MSH4: variants seen among roughly 807,000 people sequenced by gnomAD.
MSH4 encodes mutS homolog 4.
A neutral mutation model predicts 113.7 loss-of-function variants in MSH4; 106 were observed. That is an observed-to-expected ratio of 0.93 (90% CI 0.80 to 1.10). MSH4 has a LOEUF of 1.10. Among genes scored for constraint, MSH4 ranks in the 50% least tolerant of loss-of-function variants. The pLI is 0.00. For missense variants in MSH4, 1,061 were observed against 1,093.7 expected (o/e 0.97, Z 0.42); for synonymous variants, 368 against 380.2 (o/e 0.97, Z 0.37).
intron 9 of MSH4, among the ~76,000 whole-genome samples, chr1:75,867,912 A>G (rs967645654): frequency 7.9e-5 from 12 of 152,260 alleles, no homozygotes; most frequent in Non-Finnish European, 1.6e-4. Flanking sequence ...ATACTATTTT[A>G]TAATATGTAT....
At chr1:75,858,506 G>T (rs1421931683) in intron 8 of MSH4, among the ~76,000 whole-genome samples, 1 of 152,150 alleles carries the variant, frequency 6.6e-6, no homozygotes, top group African/African-American at 2.4e-5. Context: ...GGCCTTTTCT[G>T]CATCTATTCA....
rs116549128 is a variant in MSH4 at position 75,878,258 on chromosome 1, A to G, written c.1480A>G (p.Ile494Val). 445 of 1,608,660 alleles carry G rather than the reference A, an allele frequency of 2.8e-4. 1 individual carries two copies. In the African/African-American group the frequency reaches 5.1e-3, roughly 18 times the overall value. ...TQKCYAVRSN[I>V]NEFLDIARRT... ...GAAGTGCTATGCAGTGAGGTCTAAC[A>G]TAAATGAATTTCTTGACATAGCAAG... Residue 494 changes from isoleucine to valine, a missense_variant, in exon 11 of 20, where the codon ATA becomes GTA. Transcript: ENST00000263187.
intron 9 of MSH4, among the ~76,000 whole-genome samples, chr1:75,869,627 C>A (rs1651667870): frequency 6.6e-6 from 1 of 152,184 alleles, no homozygotes; most frequent in African/African-American, 2.4e-5. Context: ...CAACACACAG[C>A]TCGGGCCATG....
At position 75,810,412 on chromosome 1, in the gene MSH4, A is replaced by ATTTTTTT. The variant is rs760146124; in HGVS notation, c.589-269_589-263dup. 5.7e-5 allele frequency among the ~76,000 whole-genome samples: 6 copies of ATTTTTTT among 104,488 alleles called. 1 individual carries two copies. The highest frequency in any genetic ancestry group is 9.2e-5 in the Non-Finnish European group (5 of 54,634). 68.5% of individuals were successfully genotyped at this position (104,488 alleles called of 152,430 possible). On this transcript the variant is annotated intron_variant, in intron 3 of 19. Coordinates refer to ENST00000263187, the MANE Select transcript of MSH4 (RefSeq NM_002440.4). ...ACCACCATGCTCGGGTAATTTTTGT[A>ATTTTTTT]TTTTTTTTTTTTTTTTTTTTTTAGT...
In MSH4 at chr1:75,877,000, G is replaced by T. The variant is rs1260430463; in HGVS notation, c.1370G>T (p.Arg457Met). 1 of 1,538,494 alleles carries T rather than the reference G, an allele frequency of 6.5e-7. No individual in the cohort carries two copies. The highest frequency in any genetic ancestry group is 8.8e-7 in the Non-Finnish European group (1 of 1,141,120). ...RAYYGSLEDKRFGIILEKIKT... is the reference protein window; with the variant it reads ...RAYYGSLEDKMFGIILEKIKT... ...TACTATGGTTCCTTGGAAGACAAGA[G>T]GTCTTTGTCACTCAACCGTTAATAA... Residue 457 changes from arginine to methionine, a missense_variant and splice_region_variant, in exon 10 of 20, where the codon AGG becomes ATG. Arg to Met is a moderately conservative substitution (Grantham distance 91). Coordinates refer to ENST00000263187, the MANE Select transcript of MSH4 (RefSeq NM_002440.4).
At chr1:75,810,633 G>A (rs57184953) in intron 3 of MSH4, 64 bp from the exon 4 acceptor site, 1 of 716,060 alleles carries the variant, frequency 1.4e-6, no homozygotes, top group Non-Finnish European at 2.2e-6. Flanking sequence ...ACTTATCTCA[G>A]AAAAATATGA....
At chr1:75,839,406 C>T (rs879735493) in intron 7 of MSH4, among the ~76,000 whole-genome samples, 4 of 151,744 alleles carry the variant, frequency 2.6e-5, no homozygotes, top group Non-Finnish European at 5.9e-5. Flanking sequence ...ATAGAGATGG[C>T]GTTTCACCAT....
chr1:75,843,943 C>T (rs778703630), intron 7 of MSH4, among the ~76,000 whole-genome samples: 26 of 152,130 alleles, frequency 1.7e-4, no homozygotes, highest in African/African-American at 5.1e-4. Flanking sequence ...TCCCGAGTAG[C>T]GGGGATTACA....
intron 8 of MSH4, among the ~76,000 whole-genome samples, chr1:75,851,149 T>G (rs565000360): frequency 6.6e-6 from 1 of 152,286 alleles, no homozygotes; most frequent in South Asian, 2.1e-4. Context: ...AATACCTTAC[T>G]TTTAATTGAG....
At chr1:75,879,992 C>T in intron 12 of MSH4, 58 bp from the exon 13 acceptor site, 3 of 824,506 alleles carry the variant, frequency 3.6e-6, no homozygotes, top group South Asian at 3.2e-5. Flanking sequence ...TGTTTAAAAT[C>T]TTACATTTCA....
chr1:75,840,391 T>C (rs1309503056), intron 7 of MSH4, among the ~76,000 whole-genome samples: 1 of 146,900 alleles, frequency 6.8e-6, no homozygotes, highest in African/African-American at 2.5e-5. Flanking sequence ...AAATTGGAAA[T>C]CATCATTCTC....
In MSH4 at chr1:75,899,718, T is replaced by A; in HGVS notation, c.2619+12T>A. 1.4e-6 allele frequency: 2 copies of A among 1,403,988 alleles called. No homozygotes were observed. The highest frequency in any genetic ancestry group is 1.9e-6 in the Non-Finnish European group (2 of 1,056,284). The allele number at this position is 1,403,988 out of a possible 1,614,324, so 87.0% of individuals were successfully genotyped here. On this transcript the variant is annotated intron_variant, in intron 19 of 19. Coordinates refer to ENST00000263187, the MANE Select transcript of MSH4 (RefSeq NM_002440.4). ...CGAGACAAATTTTGGTAAGAAACTT[T>A]GTTCTTATTTGTTCTTCAAATTAAA...
chr1:75,814,612 A>G (rs1650257966), intron 4 of MSH4, among the ~76,000 whole-genome samples: 1 of 152,216 alleles, frequency 6.6e-6, no homozygotes. Context: ...TAGACTATGG[A>G]AAGATGAATA....
Position 75,894,312 on chromosome 1 carries a change from T to A in MSH4, c.2355+3488T>A, listed in dbSNP as rs183349505. Among the ~76,000 whole-genome samples, 282 of 152,288 alleles carry A rather than the reference T, an allele frequency of 1.9e-3. 1 individual carries two copies. Among genetic ancestry groups the A allele is most frequent in the African/African-American group, 6.5e-3 (272 of 41,560 alleles). ...AAGCAGCAATCAGAATAATCTGACT[T>A]ACATAGACCTATGGCTTTGGATAGG... On this transcript the variant is annotated intron_variant, in intron 17 of 19. Transcript: ENST00000263187.
chr1:75,828,010 C>A (rs1650595118), intron 7 of MSH4, among the ~76,000 whole-genome samples: 1 of 152,106 alleles, frequency 6.6e-6, no homozygotes, highest in Admixed American at 6.6e-5. Context: ...TCAACAGATG[C>A]TTCTCAAAAG....
intron 19 of MSH4, among the ~76,000 whole-genome samples, chr1:75,910,209 C>T (rs1035010720): frequency 2.6e-5 from 4 of 152,096 alleles, no homozygotes; most frequent in African/African-American, 9.7e-5. Flanking sequence ...TCATCACTCT[C>T]CCCAAAGTTT....
At chr1:75,818,957 G>A (rs566655413) in intron 6 of MSH4, among the ~76,000 whole-genome samples, 9 of 151,808 alleles carry the variant, frequency 5.9e-5, no homozygotes, top group African/African-American at 2.2e-4. Context: ...TAGTAGGGAC[G>A]GGGTCTCACT....
intron 7 of MSH4, among the ~76,000 whole-genome samples, chr1:75,829,069 T>C (rs1650622782): frequency 6.6e-6 from 1 of 152,022 alleles, no homozygotes; most frequent in Admixed American, 6.6e-5. Flanking sequence ...ACCTGGAAAA[T>C]TGGGACACTC....
chr1:75,831,170 C>A (rs534150597), intron 7 of MSH4, among the ~76,000 whole-genome samples: 1 of 152,148 alleles, frequency 6.6e-6, no homozygotes, highest in Non-Finnish European at 1.5e-5. Flanking sequence ...TTTAAACCAA[C>A]AAAGATCAAA....
Sources: gnomAD v4.1 joint callset for allele counts (sites outside exome capture counted in the v4.1 genomes callset) on GRCh38, gnomAD v4.1.1 for gene constraint, MANE v1.5 for transcripts, NCBI Gene and HGNC (gene_info 2026-07-23, HGNC 2026-07-21) for gene names.